TSPEAR: variants seen among roughly 807,000 people sequenced by gnomAD.
TSPEAR encodes the protein thrombospondin-type laminin G domain and EAR repeat-containing protein.
Under a neutral mutation model 71.6 loss-of-function variants are expected in TSPEAR, and 69 were observed. That is an observed-to-expected ratio of 0.96 (90% CI 0.79 to 1.18). TSPEAR has a LOEUF of 1.18. Ranked by LOEUF, TSPEAR falls within the 50% of genes most tolerant of loss-of-function variation. The pLI is 0.00. For missense variants in TSPEAR, 971 were observed against 894.9 expected (o/e 1.09, Z -1.09); for synonymous variants, 402 against 387.2 (o/e 1.04, Z -0.45).
At chr21:44,628,648 T>C (rs1456770215) in intron 1 of TSPEAR, among the ~76,000 whole-genome samples, 2 of 150,364 alleles carry the variant, frequency 1.3e-5, no homozygotes, top group African/African-American at 2.5e-5. Context: ...CCACTCACTG[T>C]GGGTAGAAGC....
intron 9 of TSPEAR, 91 bp downstream of exon 9, chr21:44,521,792 G>GTCGCCGTATCATTAAAAA: frequency 1.6e-6 from 2 of 1,275,606 alleles, no homozygotes; most frequent in Non-Finnish European, 2.2e-6. Flanking sequence ...GCTCTCGGTG[G>GTCGCCGTATCATTAAAAA]ACCCCCAGCC....
At chr21:44,707,302 T>TGGGG (rs781918079) in intron 1 of TSPEAR, among the ~76,000 whole-genome samples, 3,561 of 134,630 alleles carry the variant, frequency 0.026, 135 homozygotes, top group Non-Finnish European at 0.035. Context: ...GGACGCGGGG[T>TGGGG]GGGGGGGGGT....
At chr21:44,678,117 CG>C in intron 1 of TSPEAR, 1 of 610,454 alleles carries the variant, frequency 1.6e-6, no homozygotes. Context: ...CTGGTGGATG[CG>C]GGAGCTGCCA....
At chr21:44,677,498 CTCT>C in intron 1 of TSPEAR, 1 of 832,320 alleles carries the variant, frequency 1.2e-6, no homozygotes. Context: ...CTTGTTTTTC[CTCT>C]TGTGCAAGGC....
At chr21:44,595,212 T>G (rs782296829) in intron 1 of TSPEAR, among the ~76,000 whole-genome samples, 1 of 152,338 alleles carries the variant, frequency 6.6e-6, no homozygotes, top group East Asian at 1.9e-4. Context: ...TCTTTCTCTC[T>G]GTATCTCTCC....
chr21:44,552,450 G>C (rs587709377), intron 2 of TSPEAR, among the ~76,000 whole-genome samples: 1 of 152,118 alleles, frequency 6.6e-6, no homozygotes, highest in Admixed American at 6.5e-5. Context: ...ATGAGGCTAC[G>C]GCAGCCTGGG....
In TSPEAR at chr21:44,612,202, C is replaced by A. The variant is rs1555931141; in HGVS notation, c.83-44197G>T. 2 of 1,613,978 alleles carry A rather than the reference C, an allele frequency of 1.2e-6. No homozygotes were observed. The highest frequency in any genetic ancestry group is 1.7e-6 in the Non-Finnish European group (2 of 1,180,000). On this transcript the variant is annotated intron_variant, in intron 1 of 11. Transcript: ENST00000323084. The surrounding 1 kb of genome is among the most constrained non-coding windows in gnomAD (Gnocchi z 4.1). ...ATGTCAGCCGAGTCTCCTCCCCCAG[C>A]ACCTGCACTGGCTCCTCCTGGCAGG...
At chr21:44,667,539 C>T (rs926514486) in intron 1 of TSPEAR, among the ~76,000 whole-genome samples, 12 of 152,170 alleles carry the variant, frequency 7.9e-5, no homozygotes, top group Non-Finnish European at 1.8e-4. Context: ...ACCACTGGCC[C>T]TCATGCATGG....
intron 1 of TSPEAR, among the ~76,000 whole-genome samples, chr21:44,701,606 A>T (rs1376543040): frequency 1.3e-5 from 2 of 152,208 alleles, no homozygotes; most frequent in East Asian, 3.9e-4. Flanking sequence ...ATCAGGCATT[A>T]GATTCTCACA....
chr21:44,703,966 G>A (rs1987782466), intron 1 of TSPEAR, among the ~76,000 whole-genome samples: 1 of 152,178 alleles, frequency 6.6e-6, no homozygotes, highest in South Asian at 2.1e-4. Context: ...TGCAATCCCA[G>A]GAGGCCCTGA....
At chr21:44,616,732 C>G (rs1256535291) in intron 1 of TSPEAR, among the ~76,000 whole-genome samples, 1 of 152,276 alleles carries the variant, frequency 6.6e-6, no homozygotes, top group Non-Finnish European at 1.5e-5. Context: ...CACCGGACAC[C>G]TGGCTCAGCG....
At position 44,600,578 on chromosome 21, in the gene TSPEAR, T is replaced by G. The variant is rs781883739; in HGVS notation, c.83-32573A>C. On this transcript the variant is annotated intron_variant, in intron 1 of 11. Transcript: ENST00000323084. Reference sequence around the variant, plus strand: ...CACACGGACTCACTCACTCATTCACTCACTCACCCACTCACTCCCATCTCC... The same window carrying G: ...CACACGGACTCACTCACTCATTCACGCACTCACCCACTCACTCCCATCTCC... The G allele has an allele frequency of 1.9e-6, 3 of 1,584,892 alleles. No individual in the cohort carries two copies. In the South Asian group the frequency reaches 3.5e-5, roughly 19 times the overall value.
At chr21:44,676,143 C>T in intron 1 of TSPEAR, 1 of 955,190 alleles carries the variant, frequency 1.0e-6, no homozygotes, top group African/African-American at 1.6e-5. Context: ...GGAATAGAAG[C>T]AGGGACTGCA....
intron 9 of TSPEAR, among the ~76,000 whole-genome samples, chr21:44,521,512 C>A (rs587611441): frequency 1.3e-5 from 2 of 152,366 alleles, no homozygotes; most frequent in East Asian, 1.9e-4. Context: ...CCCTGACGAC[C>A]ATACAGACTC....
rs558860004 is a variant in TSPEAR, at chr21:44,710,471, G to A, written c.82+962C>T. Among the ~76,000 whole-genome samples, 1 of 151,118 alleles carries A rather than the reference G, an allele frequency of 6.6e-6. No homozygotes were observed. Among genetic ancestry groups the A allele is most frequent in the East Asian group, 2.0e-4 (1 of 5,074 alleles). ...CAGCACGTTCCATACTCGGGTGATCGTGCTCATCCCCTGGTCATGTCATCG... is the reference window on the plus strand; with the variant it reads ...CAGCACGTTCCATACTCGGGTGATCATGCTCATCCCCTGGTCATGTCATCG... On this transcript the variant is annotated intron_variant, in intron 1 of 11. Coordinates refer to ENST00000323084, the MANE Select transcript of TSPEAR (RefSeq NM_144991.3). The surrounding 1 kb of genome is among the most constrained non-coding windows in gnomAD (Gnocchi z 4.6).
intron 1 of TSPEAR, among the ~76,000 whole-genome samples, chr21:44,672,710 G>A (rs587761677): frequency 6.6e-6 from 1 of 152,284 alleles, no homozygotes; most frequent in South Asian, 2.1e-4. Flanking sequence ...CAAATCTCGT[G>A]TTGAATTGTT....
At chr21:44,513,128 C>T (rs1054011778) in intron 9 of TSPEAR, among the ~76,000 whole-genome samples, 2 of 152,178 alleles carry the variant, frequency 1.3e-5, no homozygotes. Flanking sequence ...GCTGGCAGAA[C>T]CCCCACGGGG....
At chr21:44,691,344 A>T (rs1353325290) in intron 1 of TSPEAR, among the ~76,000 whole-genome samples, 1 of 152,198 alleles carries the variant, frequency 6.6e-6, no homozygotes, top group South Asian at 2.1e-4. Context: ...TGTATCAGCC[A>T]TTACTCACAG....
intron 9 of TSPEAR, among the ~76,000 whole-genome samples, chr21:44,515,313 C>G (rs79628306): frequency 6.6e-6 from 1 of 152,200 alleles, no homozygotes; most frequent in Non-Finnish European, 1.5e-5. Flanking sequence ...TCCATGTGTG[C>G]GTGGTCCCAG....
Sources: gnomAD v4.1 joint callset for allele counts (sites outside exome capture counted in the v4.1 genomes callset) on GRCh38, gnomAD v4.1.1 for gene constraint, Gnocchi (gnomAD v3.1) non-coding constraint, MANE v1.5 for transcripts, NCBI Gene and HGNC (gene_info 2026-07-23, HGNC 2026-07-21) for gene names.